The following GPATCH8 variants were observed in gnomAD, a reference collection of about 807,000 sequenced individuals.
GPATCH8 encodes the protein G patch domain-containing protein 8.
A neutral mutation model predicts 118.3 loss-of-function variants in GPATCH8; 18 were observed. The observed-to-expected ratio is 0.15, with a 90% CI of 0.11 to 0.23. The LOEUF is 0.23. Among genes scored for constraint, GPATCH8 ranks in the 10% least tolerant of loss-of-function variants. The probability of loss-of-function intolerance (pLI) is 1.00; values close to 1 mark genes in which losing one functional copy is unlikely to be tolerated. For synonymous variants in GPATCH8, 659 were observed against 684.7 expected (o/e 0.96, Z 0.59); for missense variants, 1,631 against 1,873.8 (o/e 0.87, Z 2.39).
At chr17:44,449,582 T>C in intron 3 of GPATCH8, among the ~76,000 whole-genome samples, 1 of 151,052 alleles carries the variant, frequency 6.6e-6, no homozygotes. Flanking sequence ...AATGGCGTGA[T>C]CTTGGCTCAC....
At chr17:44,452,238 A>G (rs959339380) in intron 3 of GPATCH8, among the ~76,000 whole-genome samples, 12 of 141,386 alleles carry the variant, frequency 8.5e-5, no homozygotes, top group African/African-American at 3.2e-4. Context: ...GCACCACTGC[A>G]CTCCAGCCTG....
chr17:44,457,596 C>G (rs927591189), intron 3 of GPATCH8, among the ~76,000 whole-genome samples: 5 of 152,062 alleles, frequency 3.3e-5, no homozygotes, highest in Non-Finnish European at 5.9e-5. Context: ...ATTTAGTAAC[C>G]AGGAAGATGT....
chr17:44,424,517 A>C, intron 5 of GPATCH8, 25 bp from the exon 6 acceptor site: 1 of 1,577,176 alleles, frequency 6.3e-7, no homozygotes, highest in Non-Finnish European at 8.7e-7. Context: ...AAATACAAAG[A>C]AACAAAAAAT....
chr17:44,442,122 T>TATAG (rs1567993979), intron 3 of GPATCH8, among the ~76,000 whole-genome samples: 1 of 128,994 alleles, frequency 7.8e-6, no homozygotes, highest in Admixed American at 8.0e-5. Context: ...TATATATATA[T>TATAG]AGAGAGAGAG....
In GPATCH8 at chr17:44,400,951, T is replaced by G; in HGVS notation, c.1126A>C (p.Lys376Gln). 6.2e-7 allele frequency: 1 copy of G among 1,614,202 alleles called. No individual in the cohort carries two copies. The highest frequency in any genetic ancestry group is 1.1e-5 in the South Asian group (1 of 91,088). ...TCTTCTCGTTTCATCCTTTTTAATT[T>G]GGATAATGTTGAGGCAAGGGACCCT... Reference protein sequence around the residue: ...DGGSLASTLSKLKRMKREEGA... With the variant: ...DGGSLASTLSQLKRMKREEGA... The change falls in exon 8 of 8, where the codon AAA becomes CAA. Residue 376 changes from lysine to glutamine, a missense_variant. Transcript: ENST00000591680.
At chr17:44,421,610 C>G (rs2049905423) in intron 6 of GPATCH8, among the ~76,000 whole-genome samples, 1 of 151,976 alleles carries the variant, frequency 6.6e-6, no homozygotes, top group Non-Finnish European at 1.5e-5. Context: ...AGGTGAACTC[C>G]CCCTCAGCTT....
Position 44,399,018 on chromosome 17 carries a change from G to C in GPATCH8, c.3059C>G (p.Ser1020Cys), listed in dbSNP as rs1385961701. The change falls in exon 8 of 8, where the codon TCT (serine) becomes TGT (cysteine). Residue 1020 changes from serine (S) to cysteine (C), a missense_variant. Transcript: ENST00000591680. ...WGHESPEERH[S>C]GRRDFIRSKI... Reference sequence around the variant, plus strand: ...AGAACGAATGAAGTCCCGACGCCCAGAATGCCTCTCCTCAGGGCTCTCGTG... The same window carrying C: ...AGAACGAATGAAGTCCCGACGCCCACAATGCCTCTCCTCAGGGCTCTCGTG... The C allele has an allele frequency of 6.2e-7, 1 of 1,613,904 alleles. No homozygotes were observed. Among genetic ancestry groups the C allele is most frequent in the Non-Finnish European group, 8.5e-7 (1 of 1,179,938 alleles).
rs9897984 is a variant in GPATCH8, at chr17:44,419,659, A to T, written c.492+4690T>A. ...ATGTGCGTGTCACCACATCAGGGTA[A>T]TTTTTTTTTTTTTTTTAGAGAGACA... On this transcript the variant is annotated intron_variant, in intron 6 of 7. Transcript: ENST00000591680. 3.4e-3 allele frequency among the ~76,000 whole-genome samples: 496 copies of T among 147,254 alleles called. 4 individuals are homozygous for T. Among genetic ancestry groups the T allele is most frequent in the East Asian group, 7.4e-3 (37 of 5,010 alleles).
chr17:44,401,481 A>C (rs2049021469), intron 7 of GPATCH8, 28 bp from the exon 8 acceptor site: 1 of 1,452,390 alleles, frequency 6.9e-7, no homozygotes, highest in Non-Finnish European at 9.7e-7. Context: ...AAAATAAAAA[A>C]CAAAAAGCAG....
At chr17:44,442,469 T>C (rs1809114994) in intron 3 of GPATCH8, among the ~76,000 whole-genome samples, 1 of 152,094 alleles carries the variant, frequency 6.6e-6, no homozygotes. Flanking sequence ...AGTCACAAAA[T>C]CCATGTTTTT....
intron 1 of GPATCH8, among the ~76,000 whole-genome samples, chr17:44,490,478 A>T (rs1969159241): frequency 6.6e-6 from 1 of 152,122 alleles, no homozygotes; most frequent in Non-Finnish European, 1.5e-5. Context: ...GAGGGAGGTA[A>T]AAAATAAAAT....
chr17:44,444,938 A>C (rs2144118752), intron 3 of GPATCH8, among the ~76,000 whole-genome samples: 1 of 152,314 alleles, frequency 6.6e-6, no homozygotes, highest in African/African-American at 2.4e-5. Flanking sequence ...TTCAACTGTA[A>C]ATACTTAGTC....
At chr17:44,483,613 A>C (rs1223769873) in intron 1 of GPATCH8, among the ~76,000 whole-genome samples, 2 of 151,596 alleles carry the variant, frequency 1.3e-5, no homozygotes, top group Non-Finnish European at 2.9e-5. Flanking sequence ...TTTTAAAATA[A>C]AATTCAAAAT....
intron 6 of GPATCH8, among the ~76,000 whole-genome samples, chr17:44,416,164 G>A (rs2049674912): frequency 6.6e-6 from 1 of 152,142 alleles, no homozygotes; most frequent in African/African-American, 2.4e-5. Context: ...ACCACGCCCA[G>A]CTAATTTTTT....
intron 6 of GPATCH8, among the ~76,000 whole-genome samples, chr17:44,407,657 A>ATT (rs35620878): frequency 8.5e-5 from 12 of 141,848 alleles, no homozygotes; most frequent in South Asian, 2.3e-4. Context: ...CATAATTAAG[A>ATT]TTTTTTTTTT....
At position 44,489,955 on chromosome 17, in the gene GPATCH8, G is replaced by GAA. The variant is rs112969132; in HGVS notation, c.45+13369_45+13370dup. On this transcript the variant is annotated intron_variant, in intron 1 of 7. Coordinates refer to ENST00000591680, the MANE Select transcript of GPATCH8 (RefSeq NM_001002909.4). ...CCTTCAAAACCTCACTTAGATCTCT[G>GAA]AAATTCCTTTAGATCTAGATGATCA... Among the ~76,000 whole-genome samples the GAA allele has an allele frequency of 4.2e-3, 632 of 152,142 alleles. 9 individuals are homozygous for GAA. The highest frequency in any genetic ancestry group is 0.014 in the African/African-American group (580 of 41,500).
intron 1 of GPATCH8, chr17:44,486,447 A>G (rs1485444895): frequency 6.6e-6 from 1 of 152,178 alleles, no homozygotes; most frequent in Non-Finnish European, 1.5e-5. Context: ...TTCTTGAGAC[A>G]TTTTATTAGA....
intron 2 of GPATCH8, chr17:44,474,402 GTTT>G: frequency 3.8e-6 from 1 of 265,998 alleles, no homozygotes; most frequent in South Asian, 4.0e-5. Flanking sequence ...CTCCTTAAAT[GTTT>G]TTAATATAAC....
intron 5 of GPATCH8, among the ~76,000 whole-genome samples, chr17:44,426,866 TCTCTCTCTCTCTCTCACA>T (rs1271392258): frequency 4.0e-5 from 6 of 151,592 alleles, no homozygotes; most frequent in Non-Finnish European, 7.4e-5. Flanking sequence ...TCTCTCTCTC[TCTCTCTCTCTCTCTCACA>T]CTCTCTCTCA....
Sources: gnomAD v4.1 joint callset for allele counts (sites outside exome capture counted in the v4.1 genomes callset) on GRCh38, gnomAD v4.1.1 for gene constraint, MANE v1.5 for transcripts, NCBI Gene and HGNC (gene_info 2026-07-23, HGNC 2026-07-21) for gene names.